The following DNAH14 variants were observed in gnomAD, a reference collection of about 807,000 sequenced individuals.
DNAH14 encodes dynein axonemal heavy chain 14.
A neutral mutation model predicts 520.9 loss-of-function variants in DNAH14; 478 were observed. The ratio of observed to expected loss-of-function variants is 0.92; its 90% CI spans 0.85 to 0.99. DNAH14 has a LOEUF of 0.99. DNAH14 is among the 50% of genes least tolerant of loss of function. The probability of loss-of-function intolerance (pLI) is 0.00; values close to 1 mark genes in which losing one functional copy is unlikely to be tolerated. For synonymous variants in DNAH14, 1,581 were observed against 1,757.2 expected (o/e 0.90, Z 2.51); for missense variants, 4,831 against 5,234.5 (o/e 0.92, Z 2.38).
intron 3 of DNAH14, among the ~76,000 whole-genome samples, chr1:224,956,391 C>T (rs1196037788): frequency 6.6e-6 from 1 of 151,992 alleles, no homozygotes; most frequent in East Asian, 1.9e-4. Flanking sequence ...TTTCACTGTA[C>T]CTTTTCTATG....
chr1:225,117,734 C>T lies in DNAH14; in HGVS notation c.3918C>T (p.Ser1306=). The change falls in exon 24 of 86, where the codon AGC becomes AGT. Residue 1306 remains serine (S), a synonymous_variant. Transcript: ENST00000682510. ...TTTTCCCAAGATTTTACTTTCTTAG[C>T]AATGCCGAGCTTCTTGATATTCTAG... ...RLIFPRFYFL[S]NAELLDILAD... is the part of the protein sequence containing the mutation. 2 of 1,550,574 alleles carry T rather than the reference C, an allele frequency of 1.3e-6. No individual in the cohort carries two copies. Among genetic ancestry groups the T allele is most frequent in the Non-Finnish European group, 1.7e-6 (2 of 1,146,800 alleles).
At chr1:225,168,645 C>T (rs1046523896) in intron 36 of DNAH14, among the ~76,000 whole-genome samples, 6 of 152,182 alleles carry the variant, frequency 3.9e-5, no homozygotes, top group African/African-American at 7.2e-5. Context: ...GTAAACAAAG[C>T]GGCCTGGAAT....
chr1:224,943,261 T>C (rs2059550985), intron 1 of DNAH14, among the ~76,000 whole-genome samples: 1 of 151,832 alleles, frequency 6.6e-6, no homozygotes, highest in African/African-American at 2.4e-5. Flanking sequence ...AATTTATCCA[T>C]TTCTTCTAGT....
At chr1:225,039,997 G>C (rs1460181399) in intron 12 of DNAH14, among the ~76,000 whole-genome samples, 2 of 146,750 alleles carry the variant, frequency 1.4e-5, no homozygotes, top group South Asian at 2.2e-4. Context: ...GAGTGCTGTG[G>C]TGTGATCTCG....
At chr1:225,191,624 T>C (rs893539566) in intron 37 of DNAH14, among the ~76,000 whole-genome samples, 1 of 152,036 alleles carries the variant, frequency 6.6e-6, no homozygotes, top group Admixed American at 6.6e-5. Context: ...CCAGTATTTC[T>C]ACCAACATTT....
intron 84 of DNAH14, among the ~76,000 whole-genome samples, chr1:225,392,677 A>G (rs1033960567): frequency 1.3e-4 from 20 of 152,254 alleles, no homozygotes; most frequent in African/African-American, 3.6e-4. Context: ...AAAAGATTTA[A>G]GTCAATGTAA....
chr1:225,054,587 T>C (rs2068852685), intron 17 of DNAH14, among the ~76,000 whole-genome samples: 1 of 152,174 alleles, frequency 6.6e-6, no homozygotes, highest in African/African-American at 2.4e-5. Context: ...GAAAACCTGT[T>C]TAAAACTTCT....
chr1:225,009,473 T>C (rs2064499351), intron 10 of DNAH14, among the ~76,000 whole-genome samples: 1 of 152,242 alleles, frequency 6.6e-6, no homozygotes. Context: ...TATATCTGTT[T>C]TGGTACCAGT....
At chr1:225,288,066 T>C (rs2149978450) in intron 54 of DNAH14, among the ~76,000 whole-genome samples, 1 of 152,194 alleles carries the variant, frequency 6.6e-6, no homozygotes, top group East Asian at 1.9e-4. Context: ...CTCAAGAAGC[T>C]GGGCATAACT....
intron 23 of DNAH14, among the ~76,000 whole-genome samples, chr1:225,106,897 A>T (rs1190924742): frequency 1.3e-5 from 2 of 152,170 alleles, no homozygotes; most frequent in African/African-American, 4.8e-5. Context: ...GTCATTCTCC[A>T]TCCAGCATTG....
In DNAH14 at chr1:225,252,321, G is replaced by C; in HGVS notation, c.6769G>C (p.Glu2257Gln). The C allele has an allele frequency of 6.5e-7, 1 of 1,549,070 alleles. No homozygotes were observed. The highest frequency in any genetic ancestry group is 8.7e-7 in the Non-Finnish European group (1 of 1,145,226). The change falls in exon 44 of 86, where the codon GAA becomes CAA. Residue 2257 changes from glutamate (E) to glutamine (Q), a missense_variant. Transcript: ENST00000682510. ...SQVGINLPTG[E>Q]CSIFGYFVDI... is the part of the protein sequence containing the mutation. ...TGTAGGCATCAACCTACCAACTGGT[G>C]AATGTTCCATCTTTGGATATTTTGT... is the stretch of plus-strand genomic sequence containing the variant.
intron 36 of DNAH14, among the ~76,000 whole-genome samples, chr1:225,168,952 C>G (rs534552400): frequency 4.9e-4 from 75 of 152,300 alleles, no homozygotes; most frequent in African/African-American, 1.8e-3. Context: ...TGAGAAAAAA[C>G]TTCCAGAGGA....
At chr1:225,156,801 G>A (rs573139216) in intron 34 of DNAH14, among the ~76,000 whole-genome samples, 23 of 95,064 alleles carry the variant, frequency 2.4e-4, no homozygotes, top group Non-Finnish European at 3.9e-4. Flanking sequence ...TGCAAGCTCC[G>A]CCTCCCGGGT....
intron 15 of DNAH14, among the ~76,000 whole-genome samples, chr1:225,049,774 C>CTATT (rs1213597098): frequency 1.5e-4 from 3 of 19,792 alleles, no homozygotes; most frequent in Non-Finnish European, 2.9e-4. Context: ...ATCTATCTAC[C>CTATT]TATCTATCTA....
Position 225,354,724 on chromosome 1 carries a change from T to TA in DNAH14, c.11619+843dup, listed in dbSNP as rs1011797626. On this transcript the variant is annotated intron_variant, in intron 73 of 85. Coordinates refer to ENST00000682510, the MANE Select transcript of DNAH14 (RefSeq NM_001367479.1). ...CATCCTAAATTCATCCTTATTGCCTTAAAAAAATCTTTATTTTGACATTTA... is the reference window on the plus strand; with the variant it reads ...CATCCTAAATTCATCCTTATTGCCTTAAAAAAAATCTTTATTTTGACATTTA... 2.6e-5 allele frequency among the ~76,000 whole-genome samples: 4 copies of TA among 152,216 alleles called. No individual in the cohort carries two copies. In the East Asian group the frequency reaches 5.8e-4, roughly 22 times the overall value.
At chr1:225,195,923 G>A (rs186195755) in intron 38 of DNAH14, among the ~76,000 whole-genome samples, 26 of 152,024 alleles carry the variant, frequency 1.7e-4, no homozygotes, top group African/African-American at 6.0e-4. Flanking sequence ...ACAAACTTTT[G>A]TAAAGTAATC....
intron 15 of DNAH14, among the ~76,000 whole-genome samples, chr1:225,045,079 A>G (rs890932670): frequency 6.6e-6 from 1 of 152,102 alleles, no homozygotes. Flanking sequence ...AAAGCCATAT[A>G]TATAATTCTA....
intron 8 of DNAH14, among the ~76,000 whole-genome samples, chr1:224,975,297 A>T (rs1216980126): frequency 2.0e-5 from 3 of 152,152 alleles, no homozygotes; most frequent in Non-Finnish European, 2.9e-5. Context: ...TTTCAGAAGG[A>T]ATAGTACCAG....
chr1:225,389,651 C>T (rs781339080), intron 82 of DNAH14, 83 bp from the exon 83 acceptor site: 35 of 1,439,606 alleles, frequency 2.4e-5, no homozygotes, highest in African/African-American at 1.4e-5. Context: ...AAAGAAGGGC[C>T]CTGGGAGGAA....
Sources: gnomAD v4.1 joint callset for allele counts (sites outside exome capture counted in the v4.1 genomes callset) on GRCh38, gnomAD v4.1.1 for gene constraint, MANE v1.5 for transcripts, NCBI Gene and HGNC (gene_info 2026-07-23, HGNC 2026-07-21) for gene names.